The following GHR variants were observed in gnomAD, a reference collection of about 807,000 sequenced individuals.
The protein encoded by GHR is GH receptor.
Under a neutral mutation model 67.1 loss-of-function variants are expected in GHR, and 35 were observed. That is an observed-to-expected ratio of 0.52 (90% CI 0.40 to 0.69). The LOEUF (loss-of-function observed/expected upper bound fraction) is 0.69, where lower values mean the gene tolerates loss of function less well. Among genes scored for constraint, GHR ranks in the 30% least tolerant of loss-of-function variants. The pLI, the probability that GHR is intolerant of heterozygous loss-of-function variation, is 0.00. For missense variants in GHR, 792 were observed against 764.6 expected, an observed-to-expected ratio of 1.04 and a Z score of -0.42; for synonymous variants, 272 against 269.1, an observed-to-expected ratio of 1.01 and a Z score of -0.10.
At chr5:42,667,566 T>G (rs142667404) in intron 3 of GHR, among the ~76,000 whole-genome samples, 238 of 152,286 alleles carry the variant, frequency 1.6e-3, no homozygotes, top group African/African-American at 5.3e-3. Flanking sequence ...AAATTAAACC[T>G]GTGGAAGGTA....
intron 1 of GHR, among the ~76,000 whole-genome samples, chr5:42,507,062 C>T (rs574425435): frequency 2.6e-5 from 4 of 152,298 alleles, no homozygotes; most frequent in African/African-American, 7.2e-5. Context: ...CATTAAAGTT[C>T]TTCCCATTTC....
chr5:42,541,305 G>A (rs1748507177), intron 1 of GHR, among the ~76,000 whole-genome samples: 1 of 152,184 alleles, frequency 6.6e-6, no homozygotes, highest in Non-Finnish European at 1.5e-5. Context: ...ACAGATGGGT[G>A]ACATTTGAAT....
chr5:42,718,242 C>A, intron 9 of GHR, 121 bp downstream of exon 9: 1 of 724,980 alleles, frequency 1.4e-6, no homozygotes, highest in Non-Finnish European at 2.4e-6. Flanking sequence ...TGTCTCTTCT[C>A]CTGGAGAAAA....
At chr5:42,468,813 G>C in intron 1 of GHR, 1 of 1,034,346 alleles carries the variant, frequency 9.7e-7, no homozygotes, top group East Asian at 2.6e-5. Flanking sequence ...CAAATAACTG[G>C]TCGAATCGGT....
chr5:42,542,175 G>C (rs1030741025), intron 1 of GHR, among the ~76,000 whole-genome samples: 9 of 152,182 alleles, frequency 5.9e-5, no homozygotes, highest in Non-Finnish European at 2.9e-5. Context: ...ACACAGTGAA[G>C]TTGACCAGGA....
chr5:42,688,502 C>T (rs1757266184), intron 3 of GHR, among the ~76,000 whole-genome samples: 1 of 152,180 alleles, frequency 6.6e-6, no homozygotes, highest in South Asian at 2.1e-4. Flanking sequence ...ATAACCAGCT[C>T]AGAACACACA....
intron 1 of GHR, among the ~76,000 whole-genome samples, chr5:42,492,406 T>A (rs1214603728): frequency 6.6e-6 from 1 of 152,168 alleles, no homozygotes; most frequent in Non-Finnish European, 1.5e-5. Context: ...TTCTACCTTA[T>A]GGGGTCTGTT....
chr5:42,468,159 G>A (rs1263453915), intron 1 of GHR: 3 of 1,315,814 alleles, frequency 2.3e-6, no homozygotes, highest in Admixed American at 1.7e-5. Flanking sequence ...ATCCATCAAG[G>A]CCTGTCTGAC....
At chr5:42,539,889 A>C (rs1426287016) in intron 1 of GHR, among the ~76,000 whole-genome samples, 3 of 152,138 alleles carry the variant, frequency 2.0e-5, no homozygotes, top group Non-Finnish European at 4.4e-5. Context: ...ATGCTTCAAA[A>C]TTTCACTGTT....
At chr5:42,589,698 G>T (rs1390378963) in intron 2 of GHR, among the ~76,000 whole-genome samples, 1 of 152,082 alleles carries the variant, frequency 6.6e-6, no homozygotes, top group African/African-American at 2.4e-5. Flanking sequence ...GGTCATTTGT[G>T]CAACATATAA....
At chr5:42,524,207 G>T (rs1025413021) in intron 1 of GHR, among the ~76,000 whole-genome samples, 4 of 152,156 alleles carry the variant, frequency 2.6e-5, no homozygotes, top group African/African-American at 9.7e-5. Context: ...GGGAAAGTTT[G>T]GAACTTCCTA....
chr5:42,636,196 C>T (rs556666009), intron 3 of GHR, among the ~76,000 whole-genome samples: 1 of 121,068 alleles, frequency 8.3e-6, no homozygotes, highest in African/African-American at 3.4e-5. Flanking sequence ...GGCGACAGAG[C>T]GAGACCCCGT....
Position 42,428,367 on chromosome 5 carries a change from C to A in GHR, c.-12+4412C>A, listed in dbSNP as rs545711592. Among the ~76,000 whole-genome samples the A allele has an allele frequency of 6.6e-5, 10 of 152,244 alleles. No homozygotes were observed. In the South Asian group the frequency reaches 2.1e-3, roughly 32 times the overall value. On this transcript the variant is annotated intron_variant, in intron 1 of 9. Transcript: ENST00000230882. ...GTACCTAGGCTGCACCTAGCAGGCCCAGAAAACCATTTTTCCCTCGTAGGC... is the reference window on the plus strand; with the variant it reads ...GTACCTAGGCTGCACCTAGCAGGCCAAGAAAACCATTTTTCCCTCGTAGGC...
chr5:42,477,659 T>C (rs1273055956), intron 1 of GHR, among the ~76,000 whole-genome samples: 1 of 152,186 alleles, frequency 6.6e-6, no homozygotes, highest in African/African-American at 2.4e-5. Context: ...TTTCATGTGT[T>C]TTTTGGCTGC....
At chr5:42,551,943 T>G (rs910546393) in intron 1 of GHR, among the ~76,000 whole-genome samples, 1 of 152,234 alleles carries the variant, frequency 6.6e-6, no homozygotes, top group Non-Finnish European at 1.5e-5. Flanking sequence ...GGAGCATGAA[T>G]GGTTTGGTAC....
In GHR at chr5:42,718,851, T is replaced by G; in HGVS notation, c.1344T>G (p.Val448=). ...DACPATQQPS[V]IQAEKNKPQP... ...GCCCTGCTACTCAGCAGCCCAGTGT[T>G]ATCCAAGCAGAGAAAAACAAACCAC... Residue 448 remains valine (V), a synonymous_variant, in exon 10 of 10, where the codon GTT becomes GTG. Coordinates refer to ENST00000230882, the MANE Select transcript of GHR (RefSeq NM_000163.5). 6.2e-7 allele frequency: 1 copy of G among 1,614,114 alleles called. No individual in the cohort carries two copies. Among genetic ancestry groups the G allele is most frequent in the Non-Finnish European group, 8.5e-7 (1 of 1,179,998 alleles).
intron 3 of GHR, among the ~76,000 whole-genome samples, chr5:42,673,774 T>C (rs1756433836): frequency 6.6e-6 from 1 of 151,604 alleles, no homozygotes; most frequent in South Asian, 2.1e-4. Flanking sequence ...ACTAACAGAG[T>C]AGGGAGGTAG....
chr5:42,622,646 G>C (rs896188897), intron 2 of GHR, among the ~76,000 whole-genome samples: 1 of 152,154 alleles, frequency 6.6e-6, no homozygotes, highest in Non-Finnish European at 1.5e-5. Context: ...TGTATAGCTT[G>C]GTTGCTGTAT....
chr5:42,668,743 G>C (rs1332625508), intron 3 of GHR, among the ~76,000 whole-genome samples: 2 of 151,948 alleles, frequency 1.3e-5, no homozygotes, highest in African/African-American at 4.8e-5. Flanking sequence ...TGTCATCTTG[G>C]TCATTCTCTT....
Sources: allele counts gnomAD v4.1 joint callset (sites outside exome capture counted in the v4.1 genomes callset), GRCh38; gene constraint gnomAD v4.1.1; transcripts MANE v1.5; gene names NCBI Gene and HGNC (gene_info 2026-07-23, HGNC 2026-07-21).